ZZZ3: variants seen among roughly 807,000 people sequenced by gnomAD.
The protein encoded by ZZZ3 is zinc finger ZZ-type containing 3.
A neutral mutation model predicts 95.2 loss-of-function variants in ZZZ3; 22 were observed. The ratio of observed to expected loss-of-function variants is 0.23; its 90% CI spans 0.17 to 0.33. ZZZ3 has a LOEUF of 0.33. Among genes scored for constraint, ZZZ3 ranks in the 10% least tolerant of loss-of-function variants. The pLI is 1.00. For synonymous variants in ZZZ3, 335 were observed against 358.9 expected (o/e 0.93, Z 0.75); for missense variants, 885 against 1,066.5 (o/e 0.83, Z 2.37).
Position 77,632,674 on chromosome 1 carries a change from A to G in ZZZ3, c.681T>C (p.Asn227=). 1 of 1,614,094 alleles carries G rather than the reference A, an allele frequency of 6.2e-7. No individual in the cohort carries two copies. The highest frequency in any genetic ancestry group is 1.1e-5 in the South Asian group (1 of 91,074). The part of the protein sequence containing the change: ...DCQPDGNTKQ[N]SIGSYVLQEK... ...CCTGTAACACATAGGAACCAATGCT[A>G]TTTTGTTTAGTGTTCCCATCAGGCT... Residue 227 remains asparagine, a synonymous_variant, in exon 5 of 15, where the codon AAT becomes AAC. Coordinates refer to ENST00000370801, the MANE Select transcript of ZZZ3 (RefSeq NM_015534.6).
At chr1:77,571,087 C>T (rs1384829077) in intron 12 of ZZZ3, among the ~76,000 whole-genome samples, 1 of 151,186 alleles carries the variant, frequency 6.6e-6, no homozygotes, top group African/African-American at 2.4e-5. Flanking sequence ...ATAAGTGACC[C>T]GAATAATTAG....
intron 1 of ZZZ3, among the ~76,000 whole-genome samples, chr1:77,664,540 A>C (rs1173075405): frequency 6.6e-6 from 1 of 152,216 alleles, no homozygotes; most frequent in Non-Finnish European, 1.5e-5. Flanking sequence ...TTAATTGAAC[A>C]AAATTTTACT....
At chr1:77,655,455 G>A (rs890347175) in intron 1 of ZZZ3, among the ~76,000 whole-genome samples, 1 of 152,212 alleles carries the variant, frequency 6.6e-6, no homozygotes, top group Non-Finnish European at 1.5e-5. Context: ...AAGACACAGT[G>A]AGAAGATGGC....
chr1:77,611,818 C>T (rs554785855), intron 5 of ZZZ3, among the ~76,000 whole-genome samples: 1 of 152,046 alleles, frequency 6.6e-6, no homozygotes, highest in Admixed American at 6.6e-5. Context: ...ATACCATATA[C>T]AAAAATCAAA....
intron 1 of ZZZ3, among the ~76,000 whole-genome samples, chr1:77,662,116 C>T (rs951680314): frequency 2.0e-5 from 3 of 151,878 alleles, no homozygotes; most frequent in Admixed American, 6.6e-5. Context: ...CAGGTTCAAG[C>T]GATTCTTATG....
intron 5 of ZZZ3, among the ~76,000 whole-genome samples, chr1:77,600,637 A>G (rs1163453298): frequency 6.6e-6 from 1 of 152,162 alleles, no homozygotes; most frequent in African/African-American, 2.4e-5. Context: ...AAGAAAAGGT[A>G]GTAAAAGGGA....
At chr1:77,658,320 T>C (rs1290101025) in intron 1 of ZZZ3, among the ~76,000 whole-genome samples, 1 of 151,918 alleles carries the variant, frequency 6.6e-6, no homozygotes, top group Non-Finnish European at 1.5e-5. Flanking sequence ...TTAAGCCACA[T>C]AATTAAGGGC....
chr1:77,659,822 G>T (rs1397134556), intron 1 of ZZZ3, among the ~76,000 whole-genome samples: 1 of 151,706 alleles, frequency 6.6e-6, no homozygotes, highest in East Asian at 1.9e-4. Flanking sequence ...CAGTTGTTGT[G>T]GTTTTGTTTG....
chr1:77,677,731 T>C (rs1295915978), intron 1 of ZZZ3, among the ~76,000 whole-genome samples: 9 of 152,180 alleles, frequency 5.9e-5, no homozygotes, highest in African/African-American at 2.2e-4. Context: ...TCATTTATAA[T>C]GATAGTTATT....
chr1:77,619,102 A>T (rs1420263043), intron 5 of ZZZ3, among the ~76,000 whole-genome samples: 1 of 152,088 alleles, frequency 6.6e-6, no homozygotes, highest in African/African-American at 2.4e-5. Flanking sequence ...ATATTTCCCT[A>T]CTCCAGAATT....
intron 5 of ZZZ3, 86 bp from the exon 6 acceptor site, chr1:77,584,741 A>G: frequency 9.1e-7 from 1 of 1,101,056 alleles, no homozygotes; most frequent in East Asian, 2.5e-5. Flanking sequence ...ATCTACTATT[A>G]AGTCACACAG....
At chr1:77,668,409 T>A (rs1278383676) in intron 1 of ZZZ3, among the ~76,000 whole-genome samples, 1 of 152,170 alleles carries the variant, frequency 6.6e-6, no homozygotes, top group East Asian at 1.9e-4. Context: ...TATTTGTCAG[T>A]TACTAGCTGT....
intron 5 of ZZZ3, among the ~76,000 whole-genome samples, chr1:77,586,122 G>A (rs1663054106): frequency 6.6e-6 from 1 of 152,144 alleles, no homozygotes. Flanking sequence ...TGTATGCAGT[G>A]TACAAATACT....
At chr1:77,626,493 C>T (rs975002086) in intron 5 of ZZZ3, among the ~76,000 whole-genome samples, 21 of 152,116 alleles carry the variant, frequency 1.4e-4, no homozygotes, top group South Asian at 8.3e-4. Flanking sequence ...TCATAAGGAG[C>T]GTGCAACCTA....
rs916245840 is a variant in ZZZ3 at position 77,562,914 on chromosome 1, T to C, written c.*2726A>G. ...ATCTGCCTAGGTTAAAATCCAAGCA[T>C]GACCACTTTACTAACTATACGACCT... On this transcript the variant is annotated 3_prime_UTR_variant, in exon 15 of 15. Transcript: ENST00000370801. 6.6e-6 allele frequency: 1 copy of C among 152,426 alleles called. No individual in the cohort carries two copies. The highest frequency in any genetic ancestry group is 1.5e-5 in the Non-Finnish European group (1 of 68,032). The allele number at this position is 152,426 out of a possible 1,614,324, so 9.4% of individuals were successfully genotyped here. A position where few individuals can be genotyped will look rare whatever the true frequency, so the allele number is the denominator to read the frequency against.
chr1:77,564,720 C>T lies in ZZZ3; in HGVS notation c.*920G>A, dbSNP rs1187486550. Reference sequence around the variant, plus strand: ...ACTTGTTTAAATAGTAATAAAAATACAATCTTTTATGGATCTTGTGCAGAC... The same window carrying T: ...ACTTGTTTAAATAGTAATAAAAATATAATCTTTTATGGATCTTGTGCAGAC... On this transcript the variant is annotated 3_prime_UTR_variant, in exon 15 of 15. Coordinates refer to ENST00000370801, the MANE Select transcript of ZZZ3 (RefSeq NM_015534.6). 1 of 152,576 alleles carries T rather than the reference C, an allele frequency of 6.6e-6. No homozygotes were observed. The highest frequency in any genetic ancestry group is 1.5e-5 in the Non-Finnish European group (1 of 68,006). The allele number at this position is 152,576 out of a possible 1,614,324, so 9.5% of individuals were successfully genotyped here.
intron 1 of ZZZ3, among the ~76,000 whole-genome samples, chr1:77,672,767 TG>T (rs1353219302): frequency 2.0e-5 from 3 of 152,216 alleles, no homozygotes; most frequent in African/African-American, 7.2e-5. Context: ...GAAAATGCTC[TG>T]ACTAGTTCAC....
rs1237661699 is a variant in ZZZ3 at position 77,596,098 on chromosome 1, C to T, written c.1506-11443G>A. Among the ~76,000 whole-genome samples, 5 of 151,976 alleles carry T rather than the reference C, an allele frequency of 3.3e-5. No homozygotes were observed. The East Asian group carries it at 7.7e-4, about 23-fold the overall frequency. On this transcript the variant is annotated intron_variant, in intron 5 of 14. Coordinates refer to ENST00000370801, the MANE Select transcript of ZZZ3 (RefSeq NM_015534.6). ...TCATAAGCTAGTGAATTCCCTAGAA[C>T]TAGATAAACTGAAACAGATATTGAA...
Position 77,671,034 on chromosome 1 carries a change from TA to T in ZZZ3, c.-403+11550del, listed in dbSNP as rs530001557. On this transcript the variant is annotated intron_variant, in intron 1 of 14. Transcript: ENST00000370801. ...GGGGGGTGGTGGGGGTTGTTTTTTT[TA>T]AAAAAAAAAAAACTTCTGTGAGGAC... Among the ~76,000 whole-genome samples the T allele has an allele frequency of 5.5e-3, 791 of 143,922 alleles. 2 individuals are homozygous for T. Among genetic ancestry groups the T allele is most frequent in the Non-Finnish European group, 9.0e-3 (590 of 65,204 alleles). 94.4% of individuals were successfully genotyped at this position (143,922 alleles called of 152,430 possible). A position where few individuals can be genotyped will look rare whatever the true frequency, so the allele number is the denominator to read the frequency against.
Sources: gnomAD v4.1 joint callset for allele counts (sites outside exome capture counted in the v4.1 genomes callset) on GRCh38, gnomAD v4.1.1 for gene constraint, MANE v1.5 for transcripts, NCBI Gene and HGNC (gene_info 2026-07-23, HGNC 2026-07-21) for gene names.